UQCRC2: variants seen among roughly 807,000 people sequenced by gnomAD.
The protein encoded by UQCRC2 is cytochrome b-c1 complex subunit 2, mitochondrial.
In UQCRC2, 49 loss-of-function variants were observed where a neutral mutation model predicts 55.6. The ratio of observed to expected loss-of-function variants is 0.88; its 90% CI spans 0.70 to 1.12. UQCRC2 has a LOEUF of 1.12. UQCRC2 is among the 50% of genes most tolerant of loss of function. The probability of loss-of-function intolerance (pLI) is 0.00; values close to 1 mark genes in which losing one functional copy is unlikely to be tolerated. For synonymous variants in UQCRC2, 193 were observed against 192.0 expected, an observed-to-expected ratio of 1.01 and a Z score of -0.04; for missense variants, 506 against 547.8, an observed-to-expected ratio of 0.92 and a Z score of 0.76.
intron 10 of UQCRC2, among the ~76,000 whole-genome samples, chr16:21,972,839 C>T (rs1034802202): frequency 3.9e-5 from 6 of 152,222 alleles, no homozygotes; most frequent in African/African-American, 7.2e-5. Context: ...CAGTGGCTCA[C>T]GCCTGTAATC....
intron 12 of UQCRC2, 146 bp downstream of exon 12, chr16:21,976,389 C>G (rs1898586752): frequency 7.5e-6 from 5 of 666,966 alleles, no homozygotes; most frequent in Non-Finnish European, 1.2e-5. Context: ...TATCCTACCA[C>G]CTAAAGATAT....
At chr16:21,953,860 TC>T (rs1331550166) in intron 1 of UQCRC2, among the ~76,000 whole-genome samples, 2 of 152,152 alleles carry the variant, frequency 1.3e-5, no homozygotes, top group Non-Finnish European at 2.9e-5. Flanking sequence ...AGCGTCAGTT[TC>T]CCCAGCGAAT....
At chr16:21,980,793 A>G in intron 13 of UQCRC2, 93 bp downstream of exon 13, 1 of 1,455,474 alleles carries the variant, frequency 6.9e-7, no homozygotes, top group South Asian at 1.3e-5. Context: ...TGGGCAGTGT[A>G]TTATTCTTAT....
intron 7 of UQCRC2, chr16:21,968,382 T>C: frequency 3.0e-6 from 1 of 329,900 alleles, no homozygotes; most frequent in East Asian, 5.2e-5. Flanking sequence ...GTGTACACAA[T>C]TCAGTGGTTT....
At chr16:21,967,490 T>C (rs1039303159) in intron 7 of UQCRC2, among the ~76,000 whole-genome samples, 1 of 152,148 alleles carries the variant, frequency 6.6e-6, no homozygotes, top group African/African-American at 2.4e-5. Context: ...CTGGAAAGGA[T>C]AGCATTTCTG....
At chr16:21,953,896 C>T (rs1898051798) in intron 1 of UQCRC2, among the ~76,000 whole-genome samples, 1 of 152,178 alleles carries the variant, frequency 6.6e-6, no homozygotes, top group Non-Finnish European at 1.5e-5. Flanking sequence ...GGAGCTAATG[C>T]AGATAGAACA....
chr16:21,977,434 G>A (rs750188388), intron 12 of UQCRC2, among the ~76,000 whole-genome samples: 6 of 151,994 alleles, frequency 3.9e-5, no homozygotes, highest in Non-Finnish European at 8.8e-5. Flanking sequence ...GTATATAAGA[G>A]TACCTATTCT....
At chr16:21,957,617 C>T in intron 3 of UQCRC2, 51 bp downstream of exon 3, 2 of 1,581,262 alleles carry the variant, frequency 1.3e-6, no homozygotes, top group African/African-American at 2.7e-5. Flanking sequence ...GTATCTTGGT[C>T]CTGTGAAAAA....
intron 7 of UQCRC2, among the ~76,000 whole-genome samples, chr16:21,967,792 A>G (rs1412104382): frequency 1.3e-5 from 2 of 152,136 alleles, no homozygotes; most frequent in African/African-American, 4.8e-5. Context: ...ATGGTCAGAA[A>G]AGCTTTATAG....
chr16:21,967,994 T>C (rs1898368627), intron 7 of UQCRC2, among the ~76,000 whole-genome samples: 1 of 151,798 alleles, frequency 6.6e-6, no homozygotes, highest in African/African-American at 2.4e-5. Flanking sequence ...TAATTTCTTT[T>C]TATTCCTTTT....
rs200861707 is a variant in UQCRC2 at position 21,953,402 on chromosome 16, T to C, written c.-22T>C. The C allele has an allele frequency of 2.9e-5, 47 of 1,612,280 alleles. No individual in the cohort carries two copies. The highest frequency in any genetic ancestry group is 3.3e-4 in the Middle Eastern group (2 of 6,054). On this transcript the variant is annotated 5_prime_UTR_variant, in exon 1 of 14. Coordinates refer to ENST00000268379, the MANE Select transcript of UQCRC2 (RefSeq NM_003366.4). Reference sequence around the variant, plus strand: ...CTTTCCTTTAATCCGGCAGTGACCGTGTGTCAGAACAATCTTGAATCATGA... The same window carrying C: ...CTTTCCTTTAATCCGGCAGTGACCGCGTGTCAGAACAATCTTGAATCATGA...
At position 21,962,402 on chromosome 16, in the gene UQCRC2, A is replaced by C. The variant is rs1484952298; in HGVS notation, c.333-58A>C. Reference sequence around the variant, plus strand: ...AAGGAATTGGTTGATAGAAGATTATAAGGGAAAGCTTACTATCCTGATTCA... The same window carrying C: ...AAGGAATTGGTTGATAGAAGATTATCAGGGAAAGCTTACTATCCTGATTCA... On this transcript the variant is annotated intron_variant, in intron 4 of 13. Coordinates refer to ENST00000268379, the MANE Select transcript of UQCRC2 (RefSeq NM_003366.4). 4 of 1,594,008 alleles carry C rather than the reference A, an allele frequency of 2.5e-6. No homozygotes were observed. The East Asian group carries it at 8.9e-5, about 36-fold the overall frequency.
At chr16:21,972,592 A>G (rs749468219) in intron 10 of UQCRC2, among the ~76,000 whole-genome samples, 2 of 152,154 alleles carry the variant, frequency 1.3e-5, no homozygotes, top group Admixed American at 6.5e-5. Flanking sequence ...GAAAAATGAG[A>G]GGCTGGGCAC....
intron 13 of UQCRC2, among the ~76,000 whole-genome samples, chr16:21,982,520 T>C (rs868443778): frequency 2.6e-5 from 4 of 152,304 alleles, no homozygotes; most frequent in Middle Eastern, 3.4e-3. Context: ...GCTACCCTCT[T>C]ACCAGTGTTG....
chr16:21,956,180 T>C (rs1898083647), intron 1 of UQCRC2, among the ~76,000 whole-genome samples: 1 of 152,124 alleles, frequency 6.6e-6, no homozygotes, highest in Non-Finnish European at 1.5e-5. Flanking sequence ...CCATTTCAAT[T>C]GGAAATTAGA....
intron 9 of UQCRC2, 38 bp from the exon 10 acceptor site, chr16:21,971,885 C>A (rs754070849): frequency 1.9e-6 from 3 of 1,609,862 alleles, no homozygotes; most frequent in Non-Finnish European, 2.5e-6. Context: ...GGTGAACAAG[C>A]CATTTTCTTC....
intron 3 of UQCRC2, among the ~76,000 whole-genome samples, chr16:21,957,907 G>C (rs931292445): frequency 6.6e-6 from 1 of 152,178 alleles, no homozygotes; most frequent in African/African-American, 2.4e-5. Context: ...TGCAGTCTCT[G>C]CCTTTGTTGT....
At chr16:21,962,707 A>C in intron 5 of UQCRC2, 54 bp from the exon 6 acceptor site, 1 of 1,611,798 alleles carries the variant, frequency 6.2e-7, no homozygotes, top group South Asian at 1.1e-5. Flanking sequence ...GTAGAATCTC[A>C]AATGTTGGCT....
chr16:21,962,643 A>G, intron 5 of UQCRC2, 118 bp from the exon 6 acceptor site: 3 of 1,591,810 alleles, frequency 1.9e-6, no homozygotes, highest in Non-Finnish European at 1.7e-6. Flanking sequence ...AAACTGCTCA[A>G]AAACACTGCT....
Sources: allele counts gnomAD v4.1 joint callset (sites outside exome capture counted in the v4.1 genomes callset), GRCh38; gene constraint gnomAD v4.1.1; transcripts MANE v1.5; gene names NCBI Gene and HGNC (gene_info 2026-07-23, HGNC 2026-07-21).